The following CSGALNACT1 variants were observed in gnomAD, a reference collection of about 807,000 sequenced individuals.
CSGALNACT1 encodes beta4GalNAcT-1.
A neutral mutation model predicts 51.0 loss-of-function variants in CSGALNACT1; 52 were observed. That is an observed-to-expected ratio of 1.02 (90% CI 0.82 to 1.29). The LOEUF (loss-of-function observed/expected upper bound fraction) is 1.29, where lower values mean the gene tolerates loss of function less well. Ranked by LOEUF, CSGALNACT1 falls within the 50% of genes most tolerant of loss-of-function variation. The pLI, the probability that CSGALNACT1 is intolerant of heterozygous loss-of-function variation, is 0.00. For missense variants in CSGALNACT1, 935 were observed against 679.2 expected (o/e 1.38, Z -4.19); for synonymous variants, 341 against 254.4 (o/e 1.34, Z -3.24).
At chr8:19,674,236 T>C (rs1324250143) in intron 1 of CSGALNACT1, among the ~76,000 whole-genome samples, 1 of 152,010 alleles carries the variant, frequency 6.6e-6, no homozygotes, top group Non-Finnish European at 1.5e-5. Context: ...GAGGTTGCAG[T>C]GAGCTAAGAC....
chr8:19,530,598 G>T (rs1563921996), intron 3 of CSGALNACT1, among the ~76,000 whole-genome samples: 1 of 152,106 alleles, frequency 6.6e-6, no homozygotes, highest in Non-Finnish European at 1.5e-5. Context: ...GGGCACAGTG[G>T]CTCGCAGCTC....
chr8:19,475,298 G>A (rs1003640182), intron 4 of CSGALNACT1, among the ~76,000 whole-genome samples: 1 of 152,176 alleles, frequency 6.6e-6, no homozygotes, highest in Admixed American at 6.5e-5. Context: ...GAAGGGCCAA[G>A]AAGGCAGCCT....
chr8:19,590,039 G>T lies in CSGALNACT1; in HGVS notation c.-297+1121C>A, dbSNP rs147896564. Among the ~76,000 whole-genome samples, 758 of 152,284 alleles carry T rather than the reference G, an allele frequency of 5.0e-3. 5 individuals carry two copies. The highest frequency in any genetic ancestry group is 8.1e-3 in the Non-Finnish European group (551 of 68,018). ...TAGGTTAGACATATTATAAATGAAA[G>T]AAAGAATTGTCACATCCTACCAATT... On this transcript the variant is annotated intron_variant, in intron 3 of 9. Coordinates refer to ENST00000454498, the Ensembl canonical transcript of CSGALNACT1.
rs1206288746 is a variant in CSGALNACT1 at position 19,479,402 on chromosome 8, G to A, written c.635-20760C>T. On this transcript the variant is annotated intron_variant, in intron 4 of 9. Coordinates refer to ENST00000454498, the Ensembl canonical transcript of CSGALNACT1. Reference sequence around the variant, plus strand: ...CCAGGATTCTCAAAGAGCCATTGGCGGCCAGTAGTCCAGGCTGGCCTTTGG... The same window carrying A: ...CCAGGATTCTCAAAGAGCCATTGGCAGCCAGTAGTCCAGGCTGGCCTTTGG... 2.0e-5 allele frequency among the ~76,000 whole-genome samples: 3 copies of A among 152,170 alleles called. 1 individual carries two copies. Among genetic ancestry groups the A allele is most frequent in the South Asian group, 4.1e-4 (2 of 4,826 alleles).
chr8:19,613,120 A>T (rs542917120), intron 1 of CSGALNACT1, among the ~76,000 whole-genome samples: 1 of 152,240 alleles, frequency 6.6e-6, no homozygotes, highest in East Asian at 1.9e-4. Flanking sequence ...TTCACAATAC[A>T]TTGGTGAGAC....
intron 1 of CSGALNACT1, among the ~76,000 whole-genome samples, chr8:19,707,861 C>T (rs1487682309): frequency 4.6e-5 from 7 of 151,970 alleles, no homozygotes; most frequent in Admixed American, 2.6e-4. Context: ...AGTAGCCGGG[C>T]GTGATGGCGC....
chr8:19,636,352 G>C (rs1256947357), intron 1 of CSGALNACT1, among the ~76,000 whole-genome samples: 1 of 152,120 alleles, frequency 6.6e-6, no homozygotes, highest in Admixed American at 6.5e-5. Context: ...ATATATATTA[G>C]GGTTTGGGAC....
At chr8:19,599,210 C>A (rs1393597207) in intron 2 of CSGALNACT1, among the ~76,000 whole-genome samples, 1 of 151,746 alleles carries the variant, frequency 6.6e-6, no homozygotes, top group Admixed American at 6.6e-5. Context: ...GCATGGAGAG[C>A]CAACAGCACA....
intron 6 of CSGALNACT1, among the ~76,000 whole-genome samples, chr8:19,433,493 C>T (rs1477334028): frequency 6.6e-6 from 1 of 152,162 alleles, no homozygotes; most frequent in Admixed American, 6.6e-5. Flanking sequence ...TATTGTTTGC[C>T]CCAACTCTTA....
At chr8:19,604,998 C>A (rs1269184339), upstream of CSGALNACT1, among the ~76,000 whole-genome samples, 1 of 151,854 alleles carries the variant, frequency 6.6e-6, no homozygotes, top group Non-Finnish European at 1.5e-5. Context: ...GTGCTGCCAG[C>A]AACCTAAGGC....
intron 5 of CSGALNACT1, chr8:19,457,394 C>T: frequency 2.8e-6 from 1 of 352,986 alleles, no homozygotes; most frequent in Non-Finnish European, 5.6e-6. Context: ...GAGCAGATCA[C>T]CTGAGATCAG....
intron 3 of CSGALNACT1, among the ~76,000 whole-genome samples, chr8:19,508,289 A>G (rs1443069861): frequency 6.6e-6 from 1 of 152,248 alleles, no homozygotes; most frequent in Non-Finnish European, 1.5e-5. Context: ...TCTATTACCC[A>G]GGAGATGTGC....
intron 3 of CSGALNACT1, among the ~76,000 whole-genome samples, chr8:19,574,841 C>T (rs757233211): frequency 5.3e-5 from 8 of 152,110 alleles, no homozygotes; most frequent in African/African-American, 1.9e-4. Flanking sequence ...TCAAGACCAC[C>T]CTGGCCCATG....
chr8:19,584,189 G>C (rs78648402), intron 3 of CSGALNACT1, among the ~76,000 whole-genome samples: 1 of 152,306 alleles, frequency 6.6e-6, no homozygotes, highest in East Asian at 1.9e-4. Context: ...TCTGCAGAAC[G>C]TAATAGTCTA....
chr8:19,666,043 T>C (rs574930248), intron 1 of CSGALNACT1, among the ~76,000 whole-genome samples: 2 of 152,220 alleles, frequency 1.3e-5, no homozygotes, highest in East Asian at 1.9e-4. Flanking sequence ...ATTTGGGTTA[T>C]TTTTAATCTT....
intron 3 of CSGALNACT1, among the ~76,000 whole-genome samples, chr8:19,515,032 G>A (rs73212587): frequency 0.15 from 23,541 of 151,948 alleles, 2,203 homozygotes; most frequent in Non-Finnish European, 0.21. Context: ...TGTCCTTGGG[G>A]CAGGGCTCTT....
chr8:19,478,408 C>A (rs555021166), intron 4 of CSGALNACT1, among the ~76,000 whole-genome samples: 1 of 103,838 alleles, frequency 9.6e-6, no homozygotes, highest in East Asian at 3.2e-4. Context: ...AGCGAGACTC[C>A]GTCTCAAAAA....
intron 3 of CSGALNACT1, among the ~76,000 whole-genome samples, chr8:19,540,085 ACAT>A (rs1352008896): frequency 1.3e-5 from 2 of 152,132 alleles, no homozygotes; most frequent in South Asian, 2.1e-4. Flanking sequence ...ACGCTAAACA[ACAT>A]CATTCCAGTT....
upstream of CSGALNACT1, among the ~76,000 whole-genome samples, chr8:19,607,375 G>GA (rs1199881176): frequency 1.3e-5 from 2 of 152,128 alleles, no homozygotes; most frequent in Non-Finnish European, 2.9e-5. Context: ...CTAGTCTCTT[G>GA]AAAATAAAGT....
Sources: gnomAD v4.1 joint callset for allele counts (sites outside exome capture counted in the v4.1 genomes callset) on GRCh38, gnomAD v4.1.1 for gene constraint, MANE v1.5 for transcripts, NCBI Gene and HGNC (gene_info 2026-07-23, HGNC 2026-07-21) for gene names.